Variants in NXPE2 observed in about 807,000 individuals in gnomAD.
The protein encoded by NXPE2 is NXPE family member 2.
A neutral mutation model predicts 34.4 loss-of-function variants in NXPE2; 34 were observed. The ratio of observed to expected loss-of-function variants is 0.99; its 90% CI spans 0.75 to 1.31. The LOEUF (loss-of-function observed/expected upper bound fraction) is 1.31. NXPE2 is among the 40% of genes most tolerant of loss of function. The probability of loss-of-function intolerance (pLI) is 0.00; values close to 1 mark genes in which losing one functional copy is unlikely to be tolerated. For synonymous variants in NXPE2, 235 were observed against 231.3 expected (o/e 1.02, Z -0.15); for missense variants, 649 against 672.5 (o/e 0.97, Z 0.39).
At chr11:114,793,888 A>AT in the NXPE2 span, among the ~76,000 whole-genome samples, 1,536 of 152,190 alleles carry the variant, frequency 0.01, 20 homozygotes, top group African/African-American at 0.035. Context: ...ACCTATGCTA[A>AT]TTTCTATCAC....
the NXPE2 span, among the ~76,000 whole-genome samples, chr11:114,640,513 G>T: frequency 3.3e-5 from 5 of 151,606 alleles, no homozygotes; most frequent in East Asian, 1.9e-4. Context: ...TCTAATTATA[G>T]TTCTTTGAGA....
the NXPE2 span, among the ~76,000 whole-genome samples, chr11:114,797,926 G>A: frequency 2.0e-5 from 3 of 152,084 alleles, no homozygotes; most frequent in Non-Finnish European, 4.4e-5. Flanking sequence ...GCCAAGGCTC[G>A]GATCTCCTCT....
chr11:114,579,971 GT>G, the NXPE2 span, among the ~76,000 whole-genome samples: 2 of 151,970 alleles, frequency 1.3e-5, no homozygotes, highest in Non-Finnish European at 2.9e-5. Flanking sequence ...TAGCTGTATT[GT>G]TTTTTTAAAG....
the NXPE2 span, among the ~76,000 whole-genome samples, chr11:114,774,507 GGTAACCC>G: frequency 6.6e-6 from 1 of 152,210 alleles, no homozygotes; most frequent in Non-Finnish European, 1.5e-5. Context: ...CCGCCGGGAC[GGTAACCC>G]TGGCAGCCAC....
At chr11:114,782,548 T>C in the NXPE2 span, among the ~76,000 whole-genome samples, 2 of 152,344 alleles carry the variant, frequency 1.3e-5, no homozygotes, top group African/African-American at 4.8e-5. Flanking sequence ...AGAACACTTA[T>C]GAAGACTCCA....
At chr11:114,592,027 C>T in the NXPE2 span, among the ~76,000 whole-genome samples, 1 of 152,064 alleles carries the variant, frequency 6.6e-6, no homozygotes, top group South Asian at 2.1e-4. Context: ...AAATGTACCT[C>T]AAAACAATAA....
the NXPE2 span, chr11:114,554,250 G>T: frequency 2.2e-4 from 209 of 970,010 alleles, 1 homozygote; most frequent in African/African-American, 3.4e-3. Flanking sequence ...GGCCTCTATT[G>T]TATTTGACTG....
At chr11:114,467,582 C>T in the NXPE2 span, among the ~76,000 whole-genome samples, 1 of 152,114 alleles carries the variant, frequency 6.6e-6, no homozygotes, top group Non-Finnish European at 1.5e-5. Flanking sequence ...CGTCTACTTA[C>T]TGTCACCAGG....
At chr11:114,761,943 C>A in the NXPE2 span, among the ~76,000 whole-genome samples, 1 of 152,282 alleles carries the variant, frequency 6.6e-6, no homozygotes, top group South Asian at 2.1e-4. Flanking sequence ...TTTACATGTG[C>A]TGAGCTTTGG....
the NXPE2 span, among the ~76,000 whole-genome samples, chr11:114,612,213 G>A: frequency 6.6e-6 from 1 of 151,918 alleles, no homozygotes; most frequent in Non-Finnish European, 1.5e-5. Context: ...TGGAGAATAA[G>A]TGTTGCCTCT....
the NXPE2 span, among the ~76,000 whole-genome samples, chr11:114,609,521 C>T: frequency 2.0e-5 from 3 of 151,800 alleles, no homozygotes; most frequent in South Asian, 2.1e-4. Context: ...AGTACTGCTT[C>T]GTGGGTAACC....
the NXPE2 span, among the ~76,000 whole-genome samples, chr11:114,636,237 T>A: frequency 0.18 from 27,905 of 152,042 alleles, 3,031 homozygotes; most frequent in African/African-American, 0.29. Flanking sequence ...CTAGATTCTC[T>A]AGTTTATTTG....
intron 1 of NXPE2, 149 bp from the exon 2 acceptor site, chr11:114,679,508 G>A (rs11215146): frequency 0.067 from 32,282 of 479,890 alleles, 1,183 homozygotes; most frequent in South Asian, 0.098. Flanking sequence ...CTTTGTTTCT[G>A]ATTGACAATA....
chr11:114,596,674 T>G, the NXPE2 span, among the ~76,000 whole-genome samples: 1 of 152,188 alleles, frequency 6.6e-6, no homozygotes, highest in Non-Finnish European at 1.5e-5. Flanking sequence ...GATTGTTAAA[T>G]TTTTCACTGA....
At chr11:114,677,865 G>T (rs1314869016), upstream of NXPE2, among the ~76,000 whole-genome samples, 2 of 152,028 alleles carry the variant, frequency 1.3e-5, no homozygotes, top group African/African-American at 4.8e-5. Flanking sequence ...GGTGGTAGCA[G>T]GGCCACCTGG....
the NXPE2 span, among the ~76,000 whole-genome samples, chr11:114,642,778 C>A: frequency 6.6e-6 from 1 of 152,040 alleles, no homozygotes; most frequent in African/African-American, 2.4e-5. Context: ...GGTATATACC[C>A]AGTACTGGGC....
At chr11:114,536,378 G>A in the NXPE2 span, among the ~76,000 whole-genome samples, 567 of 152,172 alleles carry the variant, frequency 3.7e-3, 2 homozygotes, top group African/African-American at 0.013. Flanking sequence ...AAGAACTAGA[G>A]AAGCAAGAGC....
At chr11:114,524,830 T>C in the NXPE2 span, among the ~76,000 whole-genome samples, 1 of 152,210 alleles carries the variant, frequency 6.6e-6, no homozygotes, top group Non-Finnish European at 1.5e-5. Context: ...TTTTACTTAA[T>C]AGTTTTAGAA....
At chr11:114,586,384 G>A in the NXPE2 span, among the ~76,000 whole-genome samples, 1 of 152,158 alleles carries the variant, frequency 6.6e-6, no homozygotes, top group Non-Finnish European at 1.5e-5. Flanking sequence ...AGAAGGGGGA[G>A]TATAGAAGTG....
Sources: gnomAD v4.1 joint callset for allele counts (sites outside exome capture counted in the v4.1 genomes callset) on GRCh38, gnomAD v4.1.1 for gene constraint, MANE v1.5 for transcripts, NCBI Gene and HGNC (gene_info 2026-07-23, HGNC 2026-07-21) for gene names.